CIDEA: variants seen among roughly 807,000 people sequenced by gnomAD.
CIDEA encodes cell death inducing DFFA like effector a.
CIDEA carries 10 observed loss-of-function variants against 18.2 expected under a neutral mutation model. The ratio of observed to expected loss-of-function variants is 0.55; its 90% CI spans 0.34 to 0.93. The LOEUF (loss-of-function observed/expected upper bound fraction) is 0.93, where lower values mean the gene tolerates loss of function less well. CIDEA is among the 40% of genes least tolerant of loss of function. CIDEA has a pLI of 0.02. For missense variants in CIDEA, 309 were observed against 293.1 expected (o/e 1.05, Z -0.40); for synonymous variants, 128 against 124.8 (o/e 1.03, Z -0.17).
rs143259785 is a variant in CIDEA at position 12,277,202 on chromosome 18, G to A, written c.592G>A (p.Val198Met). The A allele has an allele frequency of 6.2e-7, 1 of 1,614,196 alleles. No individual in the cohort carries two copies. The highest frequency in any genetic ancestry group is 1.1e-5 in the South Asian group (1 of 91,082). The change falls in exon 5 of 5, where the codon GTG (valine) becomes ATG (methionine). Residue 198 changes from valine to methionine, a missense_variant. By Grantham distance (21) the Val-to-Met change is conservative. Transcript: ENST00000320477. ...LIYLGTYMLR[V>M]LDDKEERPSL... The stretch of plus-strand genomic sequence containing the variant: ...CTATCTGGGCACATACATGCTCCGG[G>A]TGCTGGATGACAAGGAAGAGCGGCC...
intron 1 of CIDEA, among the ~76,000 whole-genome samples, chr18:12,255,747 G>A (rs1912014936): frequency 6.6e-6 from 1 of 152,198 alleles, no homozygotes; most frequent in African/African-American, 2.4e-5. Context: ...TGGCCTCTGA[G>A]CAGGATTCAG....
In CIDEA at chr18:12,273,945, G is replaced by A. The variant is rs1912623697; in HGVS notation, c.331-148G>A. 7.6e-6 allele frequency: 6 copies of A among 791,150 alleles called. No homozygotes were observed. In the South Asian group the frequency reaches 1.0e-4, roughly 14 times the overall value. The allele number at this position is 791,150 out of a possible 1,614,324, so 49.0% of individuals were successfully genotyped here. A position where few individuals can be genotyped will look rare whatever the true frequency, so the allele number is the denominator to read the frequency against. On this transcript the variant is annotated intron_variant, in intron 3 of 4. Transcript: ENST00000320477. ...GTAGTGTGTGCAAATGGGTCCTGCT[G>A]AAAGCATCTCTCTATCGATTAGCCA...
intron 3 of CIDEA, among the ~76,000 whole-genome samples, chr18:12,271,036 T>G (rs891797406): frequency 2.0e-5 from 3 of 151,188 alleles, no homozygotes; most frequent in Non-Finnish European, 2.9e-5. Context: ...GTAGCTGGGA[T>G]TACAGGCGCC....
chr18:12,272,009 G>C (rs1232564651), intron 3 of CIDEA, among the ~76,000 whole-genome samples: 1 of 152,118 alleles, frequency 6.6e-6, no homozygotes, highest in African/African-American at 2.4e-5. Context: ...CTCGGAAAAA[G>C]AGGCGCGGGA....
At chr18:12,270,897 T>TC (rs1339397834) in intron 3 of CIDEA, among the ~76,000 whole-genome samples, 69 of 90,904 alleles carry the variant, frequency 7.6e-4, no homozygotes, top group South Asian at 1.2e-3. Context: ...TTCTTTTCTT[T>TC]TTTTTTTTTT....
intron 3 of CIDEA, among the ~76,000 whole-genome samples, chr18:12,269,375 T>TC (rs763459946): frequency 6.6e-6 from 1 of 152,166 alleles, no homozygotes; most frequent in Non-Finnish European, 1.5e-5. Context: ...CTGAGGATAT[T>TC]CTTTTTTTTA....
intron 1 of CIDEA, 89 bp from the exon 2 acceptor site, chr18:12,262,736 A>T: frequency 8.0e-7 from 1 of 1,247,050 alleles, no homozygotes; most frequent in South Asian, 1.3e-5. Flanking sequence ...TTTAGATGCA[A>T]ATATTAAAAA....
chr18:12,272,552 T>G (rs1276181812), intron 3 of CIDEA, among the ~76,000 whole-genome samples: 2 of 152,120 alleles, frequency 1.3e-5, no homozygotes, highest in Non-Finnish European at 2.9e-5. Context: ...TTCGCCATGT[T>G]GACCAGGCTA....
intron 4 of CIDEA, among the ~76,000 whole-genome samples, 173 bp downstream of exon 4, chr18:12,274,447 C>T (rs1255544429): frequency 1.3e-5 from 2 of 152,188 alleles, no homozygotes; most frequent in African/African-American, 4.8e-5. Context: ...TCTCACACAA[C>T]AGAAAATCTC....
chr18:12,268,230 A>ATTTTTTTTTTTTT (rs1285349657), intron 3 of CIDEA, among the ~76,000 whole-genome samples: 1 of 114,642 alleles, frequency 8.7e-6, no homozygotes, highest in Non-Finnish European at 1.7e-5. Context: ...ATGCCCGGCC[A>ATTTTTTTTTTTTT]TTTTTTTTTT....
At chr18:12,269,124 T>A (rs1912443572) in intron 3 of CIDEA, among the ~76,000 whole-genome samples, 1 of 152,188 alleles carries the variant, frequency 6.6e-6, no homozygotes, top group South Asian at 2.1e-4. Context: ...AGCCACCAGG[T>A]TAATTTAACT....
intron 3 of CIDEA, among the ~76,000 whole-genome samples, chr18:12,271,268 G>T (rs1032639175): frequency 6.6e-6 from 1 of 151,982 alleles, no homozygotes; most frequent in Non-Finnish European, 1.5e-5. Flanking sequence ...CGGGGTTGGG[G>T]TGGGGTTTGT....
At chr18:12,274,724 T>A (rs1419178371) in intron 4 of CIDEA, among the ~76,000 whole-genome samples, 1 of 152,106 alleles carries the variant, frequency 6.6e-6, no homozygotes, top group South Asian at 2.1e-4. Flanking sequence ...TGGGCGTGTG[T>A]CCTCTCCACA....
intron 1 of CIDEA, among the ~76,000 whole-genome samples, chr18:12,256,409 G>A (rs905447936): frequency 1.2e-4 from 19 of 152,164 alleles, no homozygotes; most frequent in Non-Finnish European, 2.9e-5. Context: ...GTAGTCAGTG[G>A]TGAAACCTTA....
At chr18:12,262,407 C>T (rs1912218734) in intron 1 of CIDEA, among the ~76,000 whole-genome samples, 1 of 152,204 alleles carries the variant, frequency 6.6e-6, no homozygotes, top group South Asian at 2.1e-4. Context: ...ATTGTGTAAA[C>T]ATGTAGCTAT....
intron 1 of CIDEA, among the ~76,000 whole-genome samples, chr18:12,261,009 T>C (rs1912175417): frequency 2.6e-5 from 4 of 152,184 alleles, no homozygotes; most frequent in Admixed American, 2.6e-4. Context: ...TCACGGTGCC[T>C]GGCTCTAGGT....
At chr18:12,271,540 T>C (rs11080563) in intron 3 of CIDEA, among the ~76,000 whole-genome samples, 3,667 of 152,240 alleles carry the variant, frequency 0.024, 150 homozygotes, top group African/African-American at 0.083. Flanking sequence ...TGGTCGTTTG[T>C]TACAGCAGCA....
chr18:12,254,527 GC>G (rs1364980920), intron 1 of CIDEA, 106 bp downstream of exon 1: 2 of 1,535,962 alleles, frequency 1.3e-6, no homozygotes, highest in Admixed American at 2.0e-5. Context: ...GCTCCCTTCA[GC>G]CCCCTGCTCC....
chr18:12,261,266 C>A (rs1912182591), intron 1 of CIDEA, among the ~76,000 whole-genome samples: 1 of 152,130 alleles, frequency 6.6e-6, no homozygotes, highest in South Asian at 2.1e-4. Context: ...CGCCTGCAAT[C>A]CCAGCTACTC....
Sources: gnomAD v4.1 joint callset for allele counts (sites outside exome capture counted in the v4.1 genomes callset) on GRCh38, gnomAD v4.1.1 for gene constraint, MANE v1.5 for transcripts, NCBI Gene and HGNC (gene_info 2026-07-23, HGNC 2026-07-21) for gene names.